Variants in PLCH1 observed in about 807,000 individuals in gnomAD.
PLCH1 encodes the protein 1-phosphatidylinositol 4,5-bisphosphate phosphodiesterase eta-1.
Under a neutral mutation model 126.7 loss-of-function variants are expected in PLCH1, and 60 were observed. The observed-to-expected ratio is 0.47, with a 90% CI of 0.38 to 0.59. The LOEUF is 0.59. Among genes scored for constraint, PLCH1 ranks in the 20% least tolerant of loss-of-function variants. The pLI, the probability that PLCH1 is intolerant of heterozygous loss-of-function variation, is 0.00. For missense variants in PLCH1, 1,723 were observed against 2,040.0 expected (o/e 0.84, Z 2.99); for synonymous variants, 719 against 734.9 (o/e 0.98, Z 0.35).
intron 2 of PLCH1, among the ~76,000 whole-genome samples, chr3:155,626,797 A>T (rs1049846309): frequency 2.0e-5 from 3 of 147,602 alleles, no homozygotes; most frequent in African/African-American, 7.6e-5. Flanking sequence ...AAAAAAAAAA[A>T]AAGGAAAAAG....
chr3:155,684,359 C>G (rs1744776097), intron 2 of PLCH1, among the ~76,000 whole-genome samples: 1 of 152,150 alleles, frequency 6.6e-6, no homozygotes, highest in Admixed American at 6.6e-5. Context: ...CACCCAAACT[C>G]AAAGGCCTGA....
chr3:155,512,000 C>G (rs12633676), intron 12 of PLCH1, among the ~76,000 whole-genome samples: 1 of 151,264 alleles, frequency 6.6e-6, no homozygotes, highest in African/African-American at 2.4e-5. Context: ...TAGCAATCAG[C>G]GAGATTCCGT....
At chr3:155,744,237 G>C (rs936574389) in intron 1 of PLCH1, among the ~76,000 whole-genome samples, 1 of 152,198 alleles carries the variant, frequency 6.6e-6, no homozygotes, top group Middle Eastern at 3.2e-3. Context: ...GCGTGCCGCC[G>C]CGGGGCCGGG....
chr3:155,721,074 T>C (rs1231866866), intron 1 of PLCH1, among the ~76,000 whole-genome samples: 1 of 152,240 alleles, frequency 6.6e-6, no homozygotes, highest in African/African-American at 2.4e-5. Context: ...CATTGGTCTA[T>C]GTGCCTATTT....
chr3:155,486,563 G>A (rs1441405017), intron 21 of PLCH1, among the ~76,000 whole-genome samples: 1 of 144,454 alleles, frequency 6.9e-6, no homozygotes, highest in Non-Finnish European at 1.5e-5. Context: ...TGTCGCCCAG[G>A]CCGGACTGCG....
intron 21 of PLCH1, among the ~76,000 whole-genome samples, chr3:155,463,162 C>T (rs1712793014): frequency 6.6e-6 from 1 of 152,078 alleles, no homozygotes; most frequent in Non-Finnish European, 1.5e-5. Context: ...GTCATTCTTG[C>T]TTCTTTGGGA....
At chr3:155,550,047 A>G (rs1725902038) in intron 9 of PLCH1, 89 bp from the exon 10 acceptor site, 1 of 886,460 alleles carries the variant, frequency 1.1e-6, no homozygotes, top group Non-Finnish European at 1.7e-6. Flanking sequence ...CTGTGTTGTT[A>G]CAATCCTAGT....
chr3:155,699,822 T>TCACACACA (rs59082626), intron 2 of PLCH1, among the ~76,000 whole-genome samples: 24,489 of 147,666 alleles, frequency 0.17, 2,294 homozygotes, highest in East Asian at 0.4. Context: ...CTGTGACCAT[T>TCACACACA]CACACACACA....
At chr3:155,657,031 T>A in intron 2 of PLCH1, among the ~76,000 whole-genome samples, 1 of 148,092 alleles carries the variant, frequency 6.8e-6, no homozygotes, top group African/African-American at 2.5e-5. Flanking sequence ...GATTCTCATA[T>A]ATGAGTAACA....
chr3:155,673,669 C>T (rs1016369981), intron 2 of PLCH1, among the ~76,000 whole-genome samples: 1 of 152,180 alleles, frequency 6.6e-6, no homozygotes, highest in African/African-American at 2.4e-5. Flanking sequence ...ATTATGCAGT[C>T]TCCCTATGAC....
chr3:155,643,493 A>T (rs1460868452), intron 2 of PLCH1, among the ~76,000 whole-genome samples: 2 of 152,246 alleles, frequency 1.3e-5, no homozygotes, highest in Non-Finnish European at 2.9e-5. Context: ...ATAAGTGATA[A>T]CAACCAGTTA....
chr3:155,524,968 G>A (rs1721707942), intron 10 of PLCH1, among the ~76,000 whole-genome samples: 1 of 152,144 alleles, frequency 6.6e-6, no homozygotes, highest in African/African-American at 2.4e-5. Context: ...AGTGAATCAT[G>A]TTTGTACCAC....
downstream of PLCH1, among the ~76,000 whole-genome samples, chr3:155,476,627 CA>C (rs1713558537): frequency 6.6e-6 from 1 of 152,020 alleles, no homozygotes; most frequent in African/African-American, 2.4e-5. Flanking sequence ...ATACAAAAAT[CA>C]GTAGCATTTC....
intron 2 of PLCH1, chr3:155,658,451 G>A (rs1027426124): frequency 1.1e-4 from 17 of 159,700 alleles, no homozygotes; most frequent in African/African-American, 2.4e-4. Flanking sequence ...GCCCAGACAC[G>A]GGAAGGTGAG....
intron 6 of PLCH1, among the ~76,000 whole-genome samples, chr3:155,580,258 A>G (rs1188731092): frequency 6.6e-6 from 1 of 152,206 alleles, no homozygotes; most frequent in Non-Finnish European, 1.5e-5. Flanking sequence ...TGGCTCAATA[A>G]TAAGTAAATA....
Position 155,482,829 on chromosome 3 carries a change from C to T in PLCH1, c.3197G>A (p.Cys1066Tyr), listed in dbSNP as rs1220558983. ...GRTTSNATSN[C>Y]QENPCPSKSL... ...CTTGCTGGGACAGGGGTTTTCCTGGCAATTGCTTGTGGCATTTGATGTGGT... is the reference window on the plus strand; with the variant it reads ...CTTGCTGGGACAGGGGTTTTCCTGGTAATTGCTTGTGGCATTTGATGTGGT... Residue 1066 changes from cysteine to tyrosine, a missense_variant, in exon 23 of 23, where the codon TGC becomes TAC. By Grantham distance (194) the Cys-to-Tyr change is radical. Transcript: ENST00000460012. 1.2e-6 allele frequency: 2 copies of T among 1,614,120 alleles called. No homozygotes were observed. The highest frequency in any genetic ancestry group is 1.7e-6 in the Non-Finnish European group (2 of 1,180,034).
intron 1 of PLCH1, among the ~76,000 whole-genome samples, chr3:155,712,850 T>C (rs1006936738): frequency 6.6e-6 from 1 of 151,850 alleles, no homozygotes; most frequent in Non-Finnish European, 1.5e-5. Context: ...CACCTCTTTC[T>C]CTCTACTTTA....
At chr3:155,617,093 T>C (rs1026536078) in intron 2 of PLCH1, among the ~76,000 whole-genome samples, 2 of 152,186 alleles carry the variant, frequency 1.3e-5, no homozygotes, top group African/African-American at 4.8e-5. Flanking sequence ...AAATTGTAAT[T>C]CTGTCAATAT....
intron 2 of PLCH1, among the ~76,000 whole-genome samples, chr3:155,693,190 G>A (rs1362204253): frequency 9.3e-5 from 3 of 32,354 alleles, no homozygotes; most frequent in East Asian, 6.1e-3. Context: ...GACTTGCCGG[G>A]CGCGGTGGCT....
Sources: allele counts gnomAD v4.1 joint callset (sites outside exome capture counted in the v4.1 genomes callset), GRCh38; gene constraint gnomAD v4.1.1; transcripts MANE v1.5; gene names NCBI Gene and HGNC (gene_info 2026-07-23, HGNC 2026-07-21).